The following SORCS1 variants were observed in gnomAD, a reference collection of about 807,000 sequenced individuals.
The protein encoded by SORCS1 is VPS10 domain-containing receptor SorCS1.
Under a neutral mutation model 146.1 loss-of-function variants are expected in SORCS1, and 60 were observed. That is an observed-to-expected ratio of 0.41 (90% CI 0.33 to 0.51). SORCS1 has a LOEUF of 0.51. SORCS1 is among the 20% of genes least tolerant of loss of function. The pLI, the probability that SORCS1 is intolerant of heterozygous loss-of-function variation, is 0.21. For missense variants in SORCS1, 1,352 were observed against 1,487.6 expected, an observed-to-expected ratio of 0.91 and a Z score of 1.50; for synonymous variants, 637 against 584.0, an observed-to-expected ratio of 1.09 and a Z score of -1.31.
chr10:106,898,444 G>A (rs1951571324), intron 2 of SORCS1, among the ~76,000 whole-genome samples: 1 of 152,184 alleles, frequency 6.6e-6, no homozygotes, highest in Non-Finnish European at 1.5e-5. Flanking sequence ...TTAACCACCT[G>A]TGTCATAATC....
intron 1 of SORCS1, among the ~76,000 whole-genome samples, chr10:107,038,517 G>A (rs1959013655): frequency 6.6e-6 from 1 of 152,070 alleles, no homozygotes; most frequent in African/African-American, 2.4e-5. Flanking sequence ...TTGTGCGCAC[G>A]TACCCTAAAA....
chr10:106,976,493 G>A (rs1161150832), intron 1 of SORCS1, among the ~76,000 whole-genome samples: 2 of 151,636 alleles, frequency 1.3e-5, no homozygotes, highest in Admixed American at 6.6e-5. Flanking sequence ...CACCACACCC[G>A]GCTAATTTTT....
chr10:107,002,207 T>C (rs1348398162), intron 1 of SORCS1, among the ~76,000 whole-genome samples: 4 of 152,214 alleles, frequency 2.6e-5, no homozygotes, highest in African/African-American at 7.2e-5. Flanking sequence ...GTTTTGAATA[T>C]AGCCCTAAGT....
At chr10:106,908,366 T>C (rs1477769073) in intron 2 of SORCS1, among the ~76,000 whole-genome samples, 1 of 152,174 alleles carries the variant, frequency 6.6e-6, no homozygotes, top group Non-Finnish European at 1.5e-5. Flanking sequence ...CACCATTACG[T>C]AGAATATAGA....
rs751488362 is a variant in SORCS1, at chr10:107,164,142, G to C, written c.385C>G (p.Arg129Gly). 1 of 1,613,036 alleles carries C rather than the reference G, an allele frequency of 6.2e-7. No homozygotes were observed. The highest frequency in any genetic ancestry group is 2.2e-5 in the East Asian group (1 of 44,832). Reference sequence around the variant, plus strand: ...TGCCCTCCATCTCTTAGCACTCCCCGGGGGCTCCGACTCGCGCCCTCTCCC... The same window carrying C: ...TGCCCTCCATCTCTTAGCACTCCCCCGGGGCTCCGACTCGCGCCCTCTCCC... Reference protein sequence around the residue: ...ERGEGASRSPRGVLRDGGQQE... With the variant: ...ERGEGASRSPGGVLRDGGQQE... Residue 129 changes from arginine (R) to glycine (G), a missense_variant, in exon 1 of 26, where the codon CGG becomes GGG. By Grantham distance (125) the Arg-to-Gly change is moderately radical (BLOSUM62 -2). Around this residue, in one of 3 missense-constraint regions of SORCS1, gnomAD observed 490 missense variants for 489.1 expected, o/e 1.00. Coordinates refer to ENST00000263054, the MANE Select transcript of SORCS1 (RefSeq NM_052918.5). This position sits in a 1 kb window ranked among gnomAD's most constrained non-coding sequence, Gnocchi z 6.8.
At chr10:106,770,216 AAGGCCAACATAC>A (rs1453420241) in intron 4 of SORCS1, among the ~76,000 whole-genome samples, 2 of 152,184 alleles carry the variant, frequency 1.3e-5, no homozygotes, top group Non-Finnish European at 2.9e-5. Flanking sequence ...TGTTGAAGGG[AAGGCCAACATAC>A]AGGCCTTAGG....
chr10:106,615,707 G>A (rs561700070), intron 21 of SORCS1, among the ~76,000 whole-genome samples: 1 of 152,266 alleles, frequency 6.6e-6, no homozygotes, highest in South Asian at 2.1e-4. Flanking sequence ...AATTAAGGGT[G>A]GCCGATGGTG....
chr10:106,830,822 G>T, intron 2 of SORCS1, among the ~76,000 whole-genome samples: 1 of 150,190 alleles, frequency 6.7e-6, no homozygotes. Context: ...CTTGAAACCA[G>T]GAGGCAGAGA....
At chr10:106,894,765 A>G (rs1951400069) in intron 2 of SORCS1, among the ~76,000 whole-genome samples, 1 of 152,214 alleles carries the variant, frequency 6.6e-6, no homozygotes, top group Non-Finnish European at 1.5e-5. Context: ...AAGACTTGTT[A>G]TTTTATCACA....
At chr10:107,162,429 C>T (rs1242472940) in intron 1 of SORCS1, among the ~76,000 whole-genome samples, 1 of 152,090 alleles carries the variant, frequency 6.6e-6, no homozygotes, top group Non-Finnish European at 1.5e-5. Context: ...ATTTTAGTGG[C>T]TATGATATGA....
At chr10:107,174,607 TA>T in the SORCS1 span, among the ~76,000 whole-genome samples, 1 of 152,190 alleles carries the variant, frequency 6.6e-6, no homozygotes, top group South Asian at 2.1e-4. Context: ...TGCTAGAATA[TA>T]AAAACAAAAT....
intron 17 of SORCS1, among the ~76,000 whole-genome samples, chr10:106,659,235 T>C (rs1850536442): frequency 6.6e-6 from 1 of 152,210 alleles, no homozygotes. Flanking sequence ...CGGATAGGCA[T>C]AAGACAGAAG....
chr10:106,765,499 T>C (rs749394001), intron 4 of SORCS1, among the ~76,000 whole-genome samples: 3 of 152,148 alleles, frequency 2.0e-5, no homozygotes, highest in Non-Finnish European at 4.4e-5. Flanking sequence ...GTTAGTTTCA[T>C]TGAGAGCTTT....
At position 106,708,747 on chromosome 10, in the gene SORCS1, T is replaced by G. The variant is rs549422342; in HGVS notation, c.1143+476A>C. Among the ~76,000 whole-genome samples the G allele has an allele frequency of 2.2e-3, 332 of 152,256 alleles. 2 individuals carry two copies. The highest frequency in any genetic ancestry group is 7.3e-3 in the African/African-American group (304 of 41,546). On this transcript the variant is annotated intron_variant, in intron 7 of 25. Coordinates refer to ENST00000263054, the MANE Select transcript of SORCS1 (RefSeq NM_052918.5). ...TCCCCCTGGCCTCTGCCTCCCACTA[T>G]CTCCAGCCACCCCACAGCTTCCCTT...
chr10:106,749,501 T>A, intron 5 of SORCS1, among the ~76,000 whole-genome samples: 1 of 152,214 alleles, frequency 6.6e-6, no homozygotes, highest in Non-Finnish European at 1.5e-5. Flanking sequence ...TTCCTACATC[T>A]TTGTGGCCAG....
chr10:106,754,207 G>GT (rs975834729), intron 5 of SORCS1, among the ~76,000 whole-genome samples: 17 of 152,214 alleles, frequency 1.1e-4, no homozygotes, highest in African/African-American at 4.1e-4. Context: ...AATGCTAGGA[G>GT]TTTTTCTGGA....
intron 20 of SORCS1, among the ~76,000 whole-genome samples, chr10:106,619,567 G>T (rs1431097171): frequency 6.6e-6 from 1 of 152,196 alleles, no homozygotes; most frequent in African/African-American, 2.4e-5. Context: ...CAGCTCTATT[G>T]CCTAACTTAC....
At chr10:107,175,828 T>G in the SORCS1 span, among the ~76,000 whole-genome samples, 3 of 152,216 alleles carry the variant, frequency 2.0e-5, no homozygotes, top group Non-Finnish European at 1.5e-5. Context: ...TGATATAAAT[T>G]TGTTTTATTA....
At chr10:106,765,022 C>CAAAAAAAA (rs10582038) in intron 4 of SORCS1, among the ~76,000 whole-genome samples, 2 of 73,278 alleles carry the variant, frequency 2.7e-5, no homozygotes, top group Non-Finnish European at 5.2e-5. Flanking sequence ...GACACTGTCT[C>CAAAAAAAA]AAAAAAAAAA....
Sources: allele counts gnomAD v4.1 joint callset (sites outside exome capture counted in the v4.1 genomes callset), GRCh38; gene constraint gnomAD v4.1.1; regional missense constraint gnomAD v4.1.1; non-coding constraint Gnocchi (gnomAD v3.1); transcripts MANE v1.5; gene names NCBI Gene and HGNC (gene_info 2026-07-23, HGNC 2026-07-21).